APBA2: variants seen among roughly 807,000 people sequenced by gnomAD.
APBA2 encodes the protein amyloid-beta A4 precursor protein-binding family A member 2.
A neutral mutation model predicts 75.0 loss-of-function variants in APBA2; 30 were observed. The ratio of observed to expected loss-of-function variants is 0.40; its 90% CI spans 0.30 to 0.54. The LOEUF (loss-of-function observed/expected upper bound fraction) is 0.54. APBA2 is among the 20% of genes least tolerant of loss of function. APBA2 has a pLI of 0.49. For synonymous variants in APBA2, 444 were observed against 409.6 expected (o/e 1.08, Z -1.01); for missense variants, 801 against 1,016.1 (o/e 0.79, Z 2.88).
rs575379564 is a variant in APBA2, at chr15:29,054,038, C to T, written c.154C>T (p.Arg52Trp). Reference sequence around the variant, plus strand: ...CGAGGGCCTGGAGCTGGCTGCCCTGCGGCCAGAGAGCCCCGCGCCAGAGGA... The same window carrying T: ...CGAGGGCCTGGAGCTGGCTGCCCTGTGGCCAGAGAGCCCCGCGCCAGAGGA... ...VPEGLELAAL[R>W]PESPAPEEQE... Residue 52 changes from arginine (R) to tryptophan (W), a missense_variant, in exon 4 of 15, where the codon CGG (arginine) becomes TGG (tryptophan). Transcript: ENST00000683413. This position sits in a 1 kb window ranked among gnomAD's most constrained non-coding sequence, Gnocchi z 6.1. The T allele has an allele frequency of 2.5e-5, 40 of 1,613,788 alleles. No homozygotes were observed. In the Middle Eastern group the frequency reaches 5.2e-4, roughly 21 times the overall value.
chr15:28,899,104 G>A (rs1045525833), intron 1 of APBA2, among the ~76,000 whole-genome samples: 3 of 152,340 alleles, frequency 2.0e-5, no homozygotes, highest in Non-Finnish European at 2.9e-5. Context: ...AAGAGCAGTC[G>A]GGGGGAGATG....
intron 8 of APBA2, among the ~76,000 whole-genome samples, chr15:29,096,084 GT>G (rs3838851): frequency 0.15 from 22,256 of 152,178 alleles, 1,659 homozygotes; most frequent in East Asian, 0.21. Context: ...TTTAATTACG[GT>G]TTGTTCTTCC....
At chr15:28,969,180 C>CTTTTCTTTCTTTTCTTTCTTTCCT (rs2036926225) in intron 2 of APBA2, among the ~76,000 whole-genome samples, 1 of 130,844 alleles carries the variant, frequency 7.6e-6, no homozygotes, top group South Asian at 2.9e-4. Context: ...TTCTTTCTTT[C>CTTTTCTTTCTTTTCTTTCTTTCCT]TTTTTTTTAT....
intron 1 of APBA2, among the ~76,000 whole-genome samples, chr15:28,904,105 T>C (rs371626941): frequency 6.6e-6 from 1 of 152,226 alleles, no homozygotes; most frequent in African/African-American, 2.4e-5. Flanking sequence ...AAAAACATTA[T>C]TTTTAGTTAT....
intron 1 of APBA2, among the ~76,000 whole-genome samples, chr15:28,914,248 T>G (rs2033565654): frequency 6.6e-6 from 1 of 152,144 alleles, no homozygotes; most frequent in South Asian, 2.1e-4. Flanking sequence ...GGGGCTGCTT[T>G]GCGGTGTAGA....
In APBA2 at chr15:29,080,684, AG is replaced by A. The variant is rs2043049316; in HGVS notation, c.1069+4594del. Among the ~76,000 whole-genome samples, 5 of 152,220 alleles carry A rather than the reference AG, an allele frequency of 3.3e-5. No individual in the cohort carries two copies. The South Asian group carries it at 1.0e-3, about 32-fold the overall frequency. The stretch of plus-strand genomic sequence containing the variant: ...CCTACAGGACGTGGTGTCTGGCAGC[AG>A]CTTGAGCCCAAGCTGCTTAGAGGGT... On this transcript the variant is annotated intron_variant, in intron 6 of 14. Coordinates refer to ENST00000683413, the MANE Select transcript of APBA2 (RefSeq NM_001353788.2).
At chr15:28,955,563 C>T (rs982951464) in intron 2 of APBA2, among the ~76,000 whole-genome samples, 3 of 152,214 alleles carry the variant, frequency 2.0e-5, no homozygotes, top group African/African-American at 7.2e-5. Context: ...TGTAGTTGCT[C>T]ACCTGCTTTG....
chr15:29,108,320 G>T lies in APBA2; in HGVS notation c.1968G>T (p.Pro656=). The change falls in exon 13 of 15, where the codon CCG becomes CCT. Residue 656 remains proline, a synonymous_variant. Coordinates refer to ENST00000683413, the MANE Select transcript of APBA2 (RefSeq NM_001353788.2). ...AGCTCAACATTGTCAGCTGTCCCCC[G>T]GTCACCACGGTCCTTATCAAGCGGC... is the stretch of plus-strand genomic sequence containing the variant. ...QVKLNIVSCP[P]VTTVLIKRPD... 6.2e-7 allele frequency: 1 copy of T among 1,614,024 alleles called. No individual in the cohort carries two copies. Among genetic ancestry groups the T allele is most frequent in the Non-Finnish European group, 8.5e-7 (1 of 1,180,022 alleles).
At chr15:28,994,529 T>C (rs34524292) in intron 2 of APBA2, among the ~76,000 whole-genome samples, 12,005 of 152,156 alleles carry the variant, frequency 0.079, 653 homozygotes, top group East Asian at 0.27. Context: ...AGGTTACGGC[T>C]CTGCAGCTCC....
chr15:28,984,540 CCTG>C (rs2037795016), intron 2 of APBA2, among the ~76,000 whole-genome samples: 1 of 152,044 alleles, frequency 6.6e-6, no homozygotes, highest in Non-Finnish European at 1.5e-5. Context: ...CAGGATCCTT[CCTG>C]GTCCCGTTTC....
At chr15:28,939,941 G>T (rs1327640897) in intron 2 of APBA2, among the ~76,000 whole-genome samples, 2 of 152,200 alleles carry the variant, frequency 1.3e-5, no homozygotes, top group Non-Finnish European at 2.9e-5. Context: ...GCAGCTGAGG[G>T]GCAAGTGTAG....
intron 6 of APBA2, among the ~76,000 whole-genome samples, chr15:29,085,532 A>C (rs2043255309): frequency 6.6e-6 from 1 of 151,960 alleles, no homozygotes; most frequent in Non-Finnish European, 1.5e-5. Context: ...CTCAAAAAAA[A>C]AAAAAAAAAA....
intron 6 of APBA2, among the ~76,000 whole-genome samples, chr15:29,080,675 T>A (rs58303812): frequency 0.068 from 10,277 of 152,184 alleles, 918 homozygotes; most frequent in African/African-American, 0.2. Flanking sequence ...GGACGTGGTG[T>A]CTGGCAGCAG....
At chr15:29,058,524 A>G (rs985209778) in intron 4 of APBA2, among the ~76,000 whole-genome samples, 11 of 151,946 alleles carry the variant, frequency 7.2e-5, no homozygotes, top group African/African-American at 2.4e-4. Context: ...AAAAAAAAAG[A>G]AAAGAAAAAT....
At chr15:28,945,681 C>G (rs908221950) in intron 2 of APBA2, among the ~76,000 whole-genome samples, 2 of 152,038 alleles carry the variant, frequency 1.3e-5, no homozygotes, top group African/African-American at 4.8e-5. Flanking sequence ...CCCCGCCTGG[C>G]TAATTTTTGT....
intron 2 of APBA2, among the ~76,000 whole-genome samples, chr15:28,929,730 A>C (rs1387191266): frequency 1.3e-5 from 2 of 152,188 alleles, no homozygotes; most frequent in African/African-American, 4.8e-5. Context: ...TTGGGTGCAC[A>C]TTGCAATAAA....
At position 28,973,935 on chromosome 15, in the gene APBA2, A is replaced by G. The variant is rs112059609; in HGVS notation, c.-94-21818A>G. Among the ~76,000 whole-genome samples the G allele has an allele frequency of 4.0e-3, 609 of 152,342 alleles. 6 individuals carry two copies. The highest frequency in any genetic ancestry group is 0.014 in the African/African-American group (589 of 41,574). On this transcript the variant is annotated intron_variant, in intron 2 of 14. Coordinates refer to ENST00000683413, the MANE Select transcript of APBA2 (RefSeq NM_001353788.2). Reference sequence around the variant, plus strand: ...ACTTTTAAAGAAGCAAACAAACCATATAGTGAAATACACACGGTCAATATA... The same window carrying G: ...ACTTTTAAAGAAGCAAACAAACCATGTAGTGAAATACACACGGTCAATATA...
rs150222707 is a variant in APBA2 at position 29,046,796 on chromosome 15, C to G, written c.-40-7049C>G. Among the ~76,000 whole-genome samples the G allele has an allele frequency of 2.0e-5, 3 of 152,302 alleles. No individual in the cohort carries two copies. Among genetic ancestry groups the G allele is most frequent in the Non-Finnish European group, 4.4e-5 (3 of 68,032 alleles). On this transcript the variant is annotated intron_variant, in intron 3 of 14. Transcript: ENST00000683413. The surrounding 1 kb of genome is among the most constrained non-coding windows in gnomAD (Gnocchi z 5.0). ...TGCTTTCCTCAGTCCCTCCAAGATG[C>G]ACCCATATCCCACTGCAGGGATGCA...
At chr15:29,010,842 AT>A (rs1233468893) in intron 3 of APBA2, among the ~76,000 whole-genome samples, 1 of 152,224 alleles carries the variant, frequency 6.6e-6, no homozygotes, top group Admixed American at 6.5e-5. Flanking sequence ...GTAATCCACT[AT>A]TTTTAAAAAT....
Sources: allele counts gnomAD v4.1 joint callset (sites outside exome capture counted in the v4.1 genomes callset), GRCh38; gene constraint gnomAD v4.1.1; non-coding constraint Gnocchi (gnomAD v3.1); transcripts MANE v1.5; gene names NCBI Gene and HGNC (gene_info 2026-07-23, HGNC 2026-07-21).